The following TALDO1 variants were observed in gnomAD, a reference collection of about 807,000 sequenced individuals.
TALDO1 encodes the protein transaldolase 1, also known as transaldolase.
A neutral mutation model predicts 38.1 loss-of-function variants in TALDO1; 29 were observed. The ratio of observed to expected loss-of-function variants is 0.76; its 90% CI spans 0.57 to 1.04. TALDO1 has a LOEUF of 1.04. Ranked by LOEUF, TALDO1 falls within the 50% of genes least tolerant of loss-of-function variation. TALDO1 has a pLI of 0.00. For missense variants in TALDO1, 499 were observed against 438.1 expected, an observed-to-expected ratio of 1.14 and a Z score of -1.24; for synonymous variants, 207 against 176.8, an observed-to-expected ratio of 1.17 and a Z score of -1.36.
At chr11:760,050 C>A in intron 3 of TALDO1, 72 bp from the exon 4 acceptor site, 1 of 1,604,646 alleles carries the variant, frequency 6.2e-7, no homozygotes, top group Admixed American at 1.7e-5. Context: ...GGCAGACACC[C>A]GGCCTCCAGC....
rs1299581854 is a variant in TALDO1 at position 765,011 on chromosome 11, C to T, written c.*166C>T. 4 of 882,348 alleles carry T rather than the reference C, an allele frequency of 4.5e-6. No homozygotes were observed. Among genetic ancestry groups the T allele is most frequent in the Non-Finnish European group, 7.3e-6 (4 of 551,378 alleles). The allele number at this position is 882,348 out of a possible 1,614,324, so 54.7% of individuals were successfully genotyped here. On this transcript the variant is annotated 3_prime_UTR_variant, in exon 8 of 8. Transcript: ENST00000319006. ...CTAATACATTAAAGCAGTCACTTTT[C>T]CTGTGCTGTTTCATTCACTGTCTCC...
chr11:764,338 TG>T lies in TALDO1; in HGVS notation c.888del (p.Trp296CysfsTer25). 1 of 1,614,244 alleles carries T rather than the reference TG, an allele frequency of 6.2e-7. No homozygotes were observed. The highest frequency in any genetic ancestry group is 8.5e-7 in the Non-Finnish European group (1 of 1,180,042). On this transcript the variant is annotated frameshift_variant, in exon 7 of 8. Transcript: ENST00000319006. LOFTEE classifies it high-confidence loss of function. ...CCACCTGGATGAGAAGTCTTTCCGT[TG>T]GTTGCACAACGAGGACCAGATGGCT... ...KIHLDEKSFR[W>X]LHNEDQMAVE...
intron 3 of TALDO1, 108 bp from the exon 4 acceptor site, chr11:760,014 C>T (rs1862902865): frequency 6.6e-7 from 1 of 1,508,554 alleles, no homozygotes; most frequent in Non-Finnish European, 9.1e-7. Context: ...GGTTGGTGCT[C>T]ACGGTGGTGC....
In TALDO1 at chr11:763,510, GA is replaced by G; in HGVS notation, c.630del (p.Asp211ThrfsTer4). On this transcript the variant is annotated frameshift_variant, in exon 5 of 8. Coordinates refer to ENST00000319006, the MANE Select transcript of TALDO1 (RefSeq NM_006755.2). LOFTEE classifies it high-confidence loss of function. ...CGACAAGAAATCCTATGAGCCCCTG[GA>G]AGACCCTGGTGAGGGTCCCTCTGTG... is the stretch of plus-strand genomic sequence containing the variant. ...NTDKKSYEPL[E>X]DPGVKSVTKI... The G allele has an allele frequency of 6.2e-7, 1 of 1,613,588 alleles. No homozygotes were observed. The highest frequency in any genetic ancestry group is 8.5e-7 in the Non-Finnish European group (1 of 1,179,896).
At chr11:760,997 C>T (rs112345453) in intron 4 of TALDO1, 1,630 of 152,476 alleles carry the variant, frequency 0.011, 19 homozygotes, top group African/African-American at 0.028. Flanking sequence ...CACCACTGCA[C>T]TCCAGTCTGG....
intron 3 of TALDO1, 24 bp downstream of exon 3, chr11:759,081 G>T: frequency 6.3e-7 from 1 of 1,589,510 alleles, no homozygotes; most frequent in South Asian, 1.1e-5. Context: ...CTCCTGCACT[G>T]GATGGGCTGG....
intron 4 of TALDO1, among the ~76,000 whole-genome samples, chr11:762,549 G>A (rs1382136707): frequency 1.3e-5 from 2 of 152,212 alleles, no homozygotes; most frequent in Non-Finnish European, 2.9e-5. Flanking sequence ...GTGACTGCTG[G>A]AGGAACTGCA....
intron 1 of TALDO1, among the ~76,000 whole-genome samples, chr11:750,774 G>A (rs550588733): frequency 4.6e-5 from 7 of 152,024 alleles, no homozygotes; most frequent in South Asian, 4.2e-4. Flanking sequence ...GCAATGAGCC[G>A]AGATCGCGCC....
chr11:753,633 A>C (rs1289280583), intron 1 of TALDO1, among the ~76,000 whole-genome samples: 1 of 151,754 alleles, frequency 6.6e-6, no homozygotes, highest in Non-Finnish European at 1.5e-5. Flanking sequence ...CTGAGGCAGG[A>C]GAATTACTTG....
At chr11:756,883 C>T (rs1320999332) in intron 2 of TALDO1, among the ~76,000 whole-genome samples, 1 of 152,172 alleles carries the variant, frequency 6.6e-6, no homozygotes, top group Non-Finnish European at 1.5e-5. Context: ...CAGTAGCTCC[C>T]CACTCCCTTA....
intron 2 of TALDO1, among the ~76,000 whole-genome samples, chr11:757,224 T>C (rs1308243404): frequency 6.6e-6 from 1 of 152,102 alleles, no homozygotes; most frequent in Non-Finnish European, 1.5e-5. Flanking sequence ...TTGGGTGACA[T>C]TGGTGCCTTT....
intron 2 of TALDO1, among the ~76,000 whole-genome samples, chr11:758,109 C>T (rs1004455500): frequency 6.6e-6 from 1 of 152,212 alleles, no homozygotes; most frequent in Admixed American, 6.5e-5. Flanking sequence ...CGGTGAAACC[C>T]CGTCTCCACC....
chr11:749,183 T>C (rs1422826874), intron 1 of TALDO1, among the ~76,000 whole-genome samples: 1 of 152,100 alleles, frequency 6.6e-6, no homozygotes, highest in Admixed American at 6.6e-5. Flanking sequence ...GGCAGGTGGA[T>C]CACGAGGTCA....
At chr11:756,326 C>A (rs1862837552) in intron 2 of TALDO1, 2 of 319,590 alleles carry the variant, frequency 6.3e-6, no homozygotes, top group Non-Finnish European at 5.9e-6. Flanking sequence ...TAACACTTAC[C>A]TTCTGGCTGT....
intron 1 of TALDO1, among the ~76,000 whole-genome samples, chr11:749,443 A>C (rs528655278): frequency 3.3e-5 from 5 of 151,048 alleles, no homozygotes; most frequent in African/African-American, 4.9e-5. Context: ...AAGTTGTGAC[A>C]TTTTTTTTTA....
chr11:748,809 C>A (rs564446562), intron 1 of TALDO1, among the ~76,000 whole-genome samples: 131 of 152,348 alleles, frequency 8.6e-4, no homozygotes, highest in Admixed American at 2.9e-3. Flanking sequence ...ACACAGCCCC[C>A]CCGTTGTAGT....
chr11:764,591 TGGAGGGTGCATG>T, intron 7 of TALDO1, 158 bp downstream of exon 7: 1 of 1,378,468 alleles, frequency 7.3e-7, no homozygotes, highest in South Asian at 1.2e-5. Flanking sequence ...CATCCCAGGG[TGGAGGGTGCATG>T]GCACCCAGGG....
intron 2 of TALDO1, among the ~76,000 whole-genome samples, chr11:757,314 A>G (rs1862855788): frequency 7.3e-6 from 1 of 136,144 alleles, no homozygotes; most frequent in African/African-American, 2.9e-5. Flanking sequence ...TTTTTTTGAG[A>G]TAGAGTTTGG....
intron 4 of TALDO1, among the ~76,000 whole-genome samples, chr11:761,209 G>A (rs1026426078): frequency 2.2e-4 from 33 of 151,922 alleles, no homozygotes; most frequent in Middle Eastern, 3.4e-3. Context: ...GGTGGCAGGT[G>A]CCTGTAATCC....
Sources: allele counts gnomAD v4.1 joint callset (sites outside exome capture counted in the v4.1 genomes callset), GRCh38; gene constraint gnomAD v4.1.1; transcripts MANE v1.5; gene names NCBI Gene and HGNC (gene_info 2026-07-23, HGNC 2026-07-21).